Variants in RSPO3 observed in about 807,000 individuals in gnomAD.
RSPO3 encodes the protein R-spondin-3.
A neutral mutation model predicts 36.5 loss-of-function variants in RSPO3; 17 were observed. The observed-to-expected ratio is 0.47, with a 90% CI of 0.32 to 0.70. The LOEUF (loss-of-function observed/expected upper bound fraction) is 0.70, where lower values mean the gene tolerates loss of function less well. Among genes scored for constraint, RSPO3 ranks in the 30% least tolerant of loss-of-function variants. RSPO3 has a pLI of 0.04. For synonymous variants in RSPO3, 108 were observed against 107.0 expected, an observed-to-expected ratio of 1.01 and a Z score of -0.06; for missense variants, 294 against 322.5, an observed-to-expected ratio of 0.91 and a Z score of 0.68.
In RSPO3 at chr6:127,198,917, C is replaced by G. The variant is rs1367138140; in HGVS notation, c.*2910C>G. Among the ~76,000 whole-genome samples, 1 of 152,278 alleles carries G rather than the reference C, an allele frequency of 6.6e-6. No homozygotes were observed. Among genetic ancestry groups the G allele is most frequent in the Non-Finnish European group, 1.5e-5 (1 of 68,024 alleles). ...TCTCAAAAGTGAAAATGTATAGGCT[C>G]TCAGAGGAGACAGATTTAACTCTGC... On this transcript the variant is annotated 3_prime_UTR_variant, in exon 5 of 5. Transcript: ENST00000356698.
intron 1 of RSPO3, among the ~76,000 whole-genome samples, chr6:127,127,828 C>G (rs185464505): frequency 6.6e-6 from 1 of 151,832 alleles, no homozygotes; most frequent in South Asian, 2.1e-4. Context: ...TTTCTTTATC[C>G]TCATTTAACA....
At chr6:127,185,695 A>AT (rs909361592) in intron 4 of RSPO3, among the ~76,000 whole-genome samples, 6 of 151,980 alleles carry the variant, frequency 3.9e-5, no homozygotes, top group African/African-American at 7.3e-5. Flanking sequence ...TTAAAGGTAC[A>AT]TTTTTCCCCC....
chr6:127,158,575 C>T (rs931642654), intron 4 of RSPO3, among the ~76,000 whole-genome samples: 2 of 152,008 alleles, frequency 1.3e-5, no homozygotes, highest in African/African-American at 4.8e-5. Context: ...TCAAAATGTA[C>T]ACAAAGAAGA....
At chr6:127,194,475 G>A (rs1775473187) in intron 4 of RSPO3, among the ~76,000 whole-genome samples, 1 of 152,130 alleles carries the variant, frequency 6.6e-6, no homozygotes, top group Non-Finnish European at 1.5e-5. Flanking sequence ...GTTCATGGAT[G>A]TTACTAAAAC....
At chr6:127,171,363 G>T (rs2114617334) in intron 4 of RSPO3, among the ~76,000 whole-genome samples, 1 of 151,858 alleles carries the variant, frequency 6.6e-6, no homozygotes. Flanking sequence ...TGTAGCTGTA[G>T]GATGTTGTAG....
intron 4 of RSPO3, among the ~76,000 whole-genome samples, chr6:127,189,551 GT>G (rs1014598535): frequency 1.3e-5 from 2 of 152,088 alleles, no homozygotes; most frequent in Admixed American, 6.6e-5. Context: ...CAATCATTAT[GT>G]TCTTGTTTCT....
At chr6:127,126,666 T>C (rs367550427) in intron 1 of RSPO3, among the ~76,000 whole-genome samples, 97 of 152,092 alleles carry the variant, frequency 6.4e-4, no homozygotes, top group Non-Finnish European at 1.1e-3. Flanking sequence ...TTTTGAACCA[T>C]TGAATTGGGT....
At chr6:127,186,114 G>T (rs374419946) in intron 4 of RSPO3, among the ~76,000 whole-genome samples, 3 of 152,152 alleles carry the variant, frequency 2.0e-5, no homozygotes, top group African/African-American at 2.4e-5. Flanking sequence ...GTAGCATTCT[G>T]CTCAGCCTTT....
intron 4 of RSPO3, among the ~76,000 whole-genome samples, chr6:127,169,981 C>T (rs1417085516): frequency 1.3e-5 from 2 of 151,724 alleles, no homozygotes; most frequent in South Asian, 2.1e-4. Flanking sequence ...GCACTTTGTT[C>T]TCACTGTCTG....
At chr6:127,144,743 G>A (rs2114574477) in intron 1 of RSPO3, among the ~76,000 whole-genome samples, 1 of 145,158 alleles carries the variant, frequency 6.9e-6, no homozygotes, top group African/African-American at 2.6e-5. Context: ...GGCTCAAGCA[G>A]TTACGGTAGC....
intron 1 of RSPO3, among the ~76,000 whole-genome samples, chr6:127,123,050 G>A (rs528005449): frequency 3.9e-5 from 6 of 152,148 alleles, no homozygotes; most frequent in East Asian, 1.9e-4. Context: ...TCATAAAGAC[G>A]TCTGAAGAAA....
At chr6:127,162,796 G>A (rs1168507849) in intron 4 of RSPO3, among the ~76,000 whole-genome samples, 1 of 152,160 alleles carries the variant, frequency 6.6e-6, no homozygotes, top group Admixed American at 6.6e-5. Context: ...ACCACCAGTA[G>A]CTGCTGTCTT....
At chr6:127,130,523 T>C (rs1316837750) in intron 1 of RSPO3, among the ~76,000 whole-genome samples, 2 of 152,148 alleles carry the variant, frequency 1.3e-5, no homozygotes, top group Non-Finnish European at 2.9e-5. Flanking sequence ...AAATAAACCC[T>C]GTCCTTGTGC....
At chr6:127,190,373 A>G (rs1240579794) in intron 4 of RSPO3, among the ~76,000 whole-genome samples, 1 of 152,198 alleles carries the variant, frequency 6.6e-6, no homozygotes, top group African/African-American at 2.4e-5. Flanking sequence ...GGTTGCAGTG[A>G]GCCAGGACTG....
intron 1 of RSPO3, among the ~76,000 whole-genome samples, chr6:127,138,955 T>C (rs1401887505): frequency 6.6e-6 from 1 of 152,194 alleles, no homozygotes; most frequent in Non-Finnish European, 1.5e-5. Context: ...TGTGCTCTTC[T>C]GGGAAGTGTG....
intron 4 of RSPO3, among the ~76,000 whole-genome samples, chr6:127,192,160 C>T (rs1278344099): frequency 6.6e-6 from 1 of 152,166 alleles, no homozygotes; most frequent in Non-Finnish European, 1.5e-5. Context: ...ACTGTACCCC[C>T]AACAGGACCT....
In RSPO3 at chr6:127,165,019, G is replaced by A. The variant is rs141311280; in HGVS notation, c.634+9581G>A. ...AGTGAGATATTCCTTTTACTTTTGCGTTACATAAAATGTAATATCTGAAAG... is the reference window on the plus strand; with the variant it reads ...AGTGAGATATTCCTTTTACTTTTGCATTACATAAAATGTAATATCTGAAAG... On this transcript the variant is annotated intron_variant, in intron 4 of 4. Transcript: ENST00000356698. 3.3e-3 allele frequency among the ~76,000 whole-genome samples: 507 copies of A among 152,038 alleles called. 3 individuals carry two copies. Among genetic ancestry groups the A allele is most frequent in the African/African-American group, 0.012 (484 of 41,480 alleles).
At chr6:127,161,421 A>G (rs1398949167) in intron 4 of RSPO3, among the ~76,000 whole-genome samples, 1 of 152,150 alleles carries the variant, frequency 6.6e-6, no homozygotes, top group East Asian at 1.9e-4. Context: ...CCTTGATATT[A>G]TATCATTTTT....
chr6:127,151,351 AC>A (rs1392219400), intron 3 of RSPO3, among the ~76,000 whole-genome samples: 2 of 151,976 alleles, frequency 1.3e-5, no homozygotes, highest in African/African-American at 4.8e-5. Context: ...AATCTTTTAA[AC>A]GTTGTGCAGC....
Sources: gnomAD v4.1 joint callset for allele counts (sites outside exome capture counted in the v4.1 genomes callset) on GRCh38, gnomAD v4.1.1 for gene constraint, MANE v1.5 for transcripts, NCBI Gene and HGNC (gene_info 2026-07-23, HGNC 2026-07-21) for gene names.